RFX3: variants seen among roughly 807,000 people sequenced by gnomAD.
The protein encoded by RFX3 is transcription factor RFX3.
A neutral mutation model predicts 98.6 loss-of-function variants in RFX3; 14 were observed. That is an observed-to-expected ratio of 0.14 (90% confidence interval 0.09 to 0.22). RFX3 has a LOEUF of 0.22. RFX3 is among the 10% of genes least tolerant of loss of function. The pLI is 1.00. For synonymous variants in RFX3, 383 were observed against 328.4 expected, an observed-to-expected ratio of 1.17 and a Z score of -1.80; for missense variants, 639 against 926.9, an observed-to-expected ratio of 0.69 and a Z score of 4.03.
chr9:3,345,145 G>T (rs1404549743), intron 3 of RFX3, among the ~76,000 whole-genome samples: 1 of 152,164 alleles, frequency 6.6e-6, no homozygotes, highest in African/African-American at 2.4e-5. Flanking sequence ...TAAGCTAACT[G>T]CAGAGAAGGA....
rs754754298 is a variant in RFX3, at chr9:3,487,152, G to A, written c.-9+38595C>T. On this transcript the variant is annotated intron_variant, in intron 1 of 16. Coordinates refer to ENST00000617270, the MANE Select transcript of RFX3 (RefSeq NM_001282116.2). ...ATTACAGGCACAAGCCACCATGCCC[G>A]GCCTAGAATTTTCAAAGTTCTATAA... Among the ~76,000 whole-genome samples the A allele has an allele frequency of 5.3e-5, 8 of 151,972 alleles. No homozygotes were observed. The South Asian group carries it at 1.0e-3, about 20-fold the overall frequency.
intron 1 of RFX3, among the ~76,000 whole-genome samples, chr9:3,505,252 G>GAATATATATTTATATATATATT (rs1816864976): frequency 3.2e-5 from 2 of 62,856 alleles, no homozygotes; most frequent in Admixed American, 2.8e-4. Context: ...ATATATATAT[G>GAATATATATTTATATATATATT]AATATATATT....
Position 3,454,589 on chromosome 9 carries a change from C to T in RFX3, c.-8-58993G>A, listed in dbSNP as rs150019598. ...GTCCTTGTTAGTAAATGCTCCAAAGCAACTGAGAAGAGATAGGGAAATCTG... is the reference window on the plus strand; with the variant it reads ...GTCCTTGTTAGTAAATGCTCCAAAGTAACTGAGAAGAGATAGGGAAATCTG... On this transcript the variant is annotated intron_variant, in intron 1 of 16. Transcript: ENST00000617270. Among the ~76,000 whole-genome samples the T allele has an allele frequency of 5.9e-3, 891 of 152,220 alleles. 14 individuals are homozygous for T. The highest frequency in any genetic ancestry group is 0.021 in the African/African-American group (854 of 41,530).
At chr9:3,461,035 C>A (rs1847640219) in intron 1 of RFX3, among the ~76,000 whole-genome samples, 1 of 151,232 alleles carries the variant, frequency 6.6e-6, no homozygotes, top group Admixed American at 6.6e-5. Flanking sequence ...TTTTAACATT[C>A]ATCGCTGAGA....
intron 1 of RFX3, among the ~76,000 whole-genome samples, chr9:3,437,254 A>G (rs1845212719): frequency 6.6e-6 from 1 of 152,042 alleles, no homozygotes; most frequent in South Asian, 2.1e-4. Flanking sequence ...AGACTAGACT[A>G]TAGGCTCCAC....
chr9:3,482,724 T>C (rs181304125), intron 1 of RFX3, among the ~76,000 whole-genome samples: 1 of 152,340 alleles, frequency 6.6e-6, no homozygotes, highest in East Asian at 1.9e-4. Flanking sequence ...ACTGGGAATT[T>C]ACTGTAAAAT....
intron 1 of RFX3, among the ~76,000 whole-genome samples, chr9:3,490,018 G>A (rs1458416369): frequency 6.6e-6 from 1 of 152,110 alleles, no homozygotes; most frequent in African/African-American, 2.4e-5. Flanking sequence ...GTTAACTGAA[G>A]CATTTAAAAA....
intron 1 of RFX3, among the ~76,000 whole-genome samples, chr9:3,523,102 A>G (rs1818880887): frequency 6.6e-6 from 1 of 152,200 alleles, no homozygotes. Context: ...TACACCATTT[A>G]ATACAATTCA....
intron 5 of RFX3, among the ~76,000 whole-genome samples, chr9:3,293,883 T>A (rs1827685832): frequency 6.6e-6 from 1 of 152,216 alleles, no homozygotes; most frequent in South Asian, 2.1e-4. Flanking sequence ...AGAGTTTACA[T>A]GTAATGAAAA....
chr9:3,445,873 G>A (rs1846001193), intron 1 of RFX3, among the ~76,000 whole-genome samples: 1 of 151,968 alleles, frequency 6.6e-6, no homozygotes, highest in African/African-American at 2.4e-5. Context: ...CCTGATTTCT[G>A]GCCTGGTGAA....
chr9:3,324,005 C>A, intron 4 of RFX3: 2 of 443,904 alleles, frequency 4.5e-6, no homozygotes, highest in Non-Finnish European at 9.6e-6. Flanking sequence ...AAATGAGGCC[C>A]AGAACCTTCA....
intron 1 of RFX3, among the ~76,000 whole-genome samples, chr9:3,486,258 C>G (rs888925716): frequency 6.6e-6 from 1 of 151,952 alleles, no homozygotes; most frequent in African/African-American, 2.4e-5. Context: ...ACTCCAGAGC[C>G]CAGTGAACTT....
chr9:3,396,925 T>A (rs1469770138), intron 1 of RFX3, among the ~76,000 whole-genome samples: 1 of 152,208 alleles, frequency 6.6e-6, no homozygotes, highest in Admixed American at 6.5e-5. Context: ...CCAACTGATA[T>A]GCCCTAAACT....
At chr9:3,437,865 G>C (rs1475534130) in intron 1 of RFX3, among the ~76,000 whole-genome samples, 2 of 151,946 alleles carry the variant, frequency 1.3e-5, no homozygotes, top group African/African-American at 4.8e-5. Flanking sequence ...AAATTGGATA[G>C]GGAAATGCTT....
intron 1 of RFX3, among the ~76,000 whole-genome samples, chr9:3,458,378 A>G (rs1434894907): frequency 1.3e-5 from 2 of 152,224 alleles, no homozygotes; most frequent in African/African-American, 4.8e-5. Flanking sequence ...AGAGCATAAC[A>G]CAAGTATTAC....
intron 1 of RFX3, among the ~76,000 whole-genome samples, chr9:3,467,606 G>C (rs1166595257): frequency 6.6e-6 from 1 of 152,048 alleles, no homozygotes; most frequent in Non-Finnish European, 1.5e-5. Flanking sequence ...TACTGGACTA[G>C]TAGCTCTTTA....
chr9:3,283,509 G>C (rs1489579020), intron 7 of RFX3, among the ~76,000 whole-genome samples: 1 of 151,576 alleles, frequency 6.6e-6, no homozygotes, highest in Non-Finnish European at 1.5e-5. Flanking sequence ...TAAATATAGG[G>C]TTCGTTTAAC....
At chr9:3,432,948 T>A (rs994106567) in intron 1 of RFX3, among the ~76,000 whole-genome samples, 2 of 152,228 alleles carry the variant, frequency 1.3e-5, no homozygotes, top group South Asian at 4.1e-4. Flanking sequence ...TGTACAGTTG[T>A]CCCTTAGTAT....
In RFX3 at chr9:3,353,001, G is replaced by A. The variant is rs563254167; in HGVS notation, c.118-6237C>T. On this transcript the variant is annotated intron_variant, in intron 2 of 16. Coordinates refer to ENST00000617270, the MANE Select transcript of RFX3 (RefSeq NM_001282116.2). ...AGAAAATGTGGCACATATACACCAT[G>A]GAATACTATGCAGCCATAAAAAATG... is the stretch of plus-strand genomic sequence containing the variant. Among the ~76,000 whole-genome samples, 246 of 152,026 alleles carry A rather than the reference G, an allele frequency of 1.6e-3. 1 individual carries two copies. The highest frequency in any genetic ancestry group is 1.6e-3 in the Non-Finnish European group (107 of 67,948).
Sources: allele counts gnomAD v4.1 joint callset (sites outside exome capture counted in the v4.1 genomes callset), GRCh38; gene constraint gnomAD v4.1.1; transcripts MANE v1.5; gene names NCBI Gene and HGNC (gene_info 2026-07-23, HGNC 2026-07-21).